Variants in LRRC4C observed in about 807,000 individuals in gnomAD.
LRRC4C encodes the protein leucine rich repeat containing 4C.
LRRC4C carries 5 observed loss-of-function variants against 33.6 expected under a neutral mutation model. The observed-to-expected ratio is 0.15, with a 90% confidence interval of 0.08 to 0.31. The LOEUF (loss-of-function observed/expected upper bound fraction) is 0.31. LRRC4C is among the 10% of genes least tolerant of loss of function. LRRC4C has a pLI of 1.00. For synonymous variants in LRRC4C, 329 were observed against 302.0 expected, an observed-to-expected ratio of 1.09 and a Z score of -0.93; for missense variants, 560 against 796.7, an observed-to-expected ratio of 0.70 and a Z score of 3.58.
At chr11:40,483,733 T>A (rs1953708348) in intron 3 of LRRC4C, among the ~76,000 whole-genome samples, 1 of 151,580 alleles carries the variant, frequency 6.6e-6, no homozygotes. Flanking sequence ...GTAAAATGAT[T>A]TTTAAATGTA....
intron 3 of LRRC4C, among the ~76,000 whole-genome samples, chr11:40,494,498 A>G (rs1389997923): frequency 6.6e-6 from 1 of 152,192 alleles, no homozygotes; most frequent in Admixed American, 6.5e-5. Flanking sequence ...GGGTACCACC[A>G]TTAGGGACCT....
At chr11:40,456,242 A>G (rs964309291) in intron 3 of LRRC4C, among the ~76,000 whole-genome samples, 1 of 152,208 alleles carries the variant, frequency 6.6e-6, no homozygotes, top group Non-Finnish European at 1.5e-5. Flanking sequence ...AGCAAAATCA[A>G]CCTGAAGAAT....
At chr11:41,101,311 A>C (rs978417371) in intron 1 of LRRC4C, among the ~76,000 whole-genome samples, 2 of 152,160 alleles carry the variant, frequency 1.3e-5, no homozygotes, top group Admixed American at 1.3e-4. Context: ...ATTTACAAGA[A>C]AAAAAACCAT....
chr11:40,736,656 C>T (rs1947882418), intron 2 of LRRC4C, among the ~76,000 whole-genome samples: 1 of 152,112 alleles, frequency 6.6e-6, no homozygotes. Context: ...CCTACTTCTC[C>T]ACATTGTTTC....
intron 2 of LRRC4C, among the ~76,000 whole-genome samples, chr11:40,837,676 CAAAAAAAA>C (rs139136576): frequency 2.8e-5 from 3 of 108,474 alleles, no homozygotes; most frequent in African/African-American, 1.1e-4. Context: ...CCTGTCTCTT[CAAAAAAAA>C]AAAAAAAAAA....
intron 2 of LRRC4C, among the ~76,000 whole-genome samples, chr11:40,863,086 A>G (rs753872956): frequency 1.3e-5 from 2 of 152,228 alleles, no homozygotes; most frequent in Non-Finnish European, 2.9e-5. Flanking sequence ...AGATGGAATT[A>G]TTATGTAGCT....
chr11:40,774,782 T>A (rs1210576182), intron 2 of LRRC4C, among the ~76,000 whole-genome samples: 1 of 152,114 alleles, frequency 6.6e-6, no homozygotes, highest in Non-Finnish European at 1.5e-5. Context: ...AAAGTGATAA[T>A]GGGAATGTAA....
chr11:40,366,126 T>C (rs1193722767), intron 3 of LRRC4C, among the ~76,000 whole-genome samples: 1 of 152,086 alleles, frequency 6.6e-6, no homozygotes, highest in Non-Finnish European at 1.5e-5. Flanking sequence ...AGTTAGATTT[T>C]TCCTAAGGTC....
At chr11:40,413,702 T>C (rs543307539) in intron 3 of LRRC4C, among the ~76,000 whole-genome samples, 21 of 152,140 alleles carry the variant, frequency 1.4e-4, no homozygotes, top group Non-Finnish European at 2.5e-4. Flanking sequence ...AAGATATTTA[T>C]GTAATGAAGT....
chr11:40,156,888 AT>A (rs1858743380), intron 5 of LRRC4C, among the ~76,000 whole-genome samples: 1 of 152,014 alleles, frequency 6.6e-6, no homozygotes, highest in Non-Finnish European at 1.5e-5. Flanking sequence ...ATACCACACA[AT>A]TTTTTACAGA....
intron 1 of LRRC4C, among the ~76,000 whole-genome samples, chr11:41,343,979 C>T (rs970379587): frequency 8.5e-5 from 13 of 152,132 alleles, no homozygotes; most frequent in Admixed American, 3.3e-4. Context: ...ATTTTTAGCA[C>T]ATTTAATAGT....
chr11:40,169,135 A>C (rs576398845), intron 5 of LRRC4C, among the ~76,000 whole-genome samples: 106 of 152,350 alleles, frequency 7.0e-4, no homozygotes, highest in Middle Eastern at 6.8e-3. Context: ...ACATGCATGT[A>C]TATGAGGTTC....
intron 3 of LRRC4C, among the ~76,000 whole-genome samples, chr11:40,352,124 TTCC>T (rs1471572287): frequency 3.4e-5 from 3 of 88,042 alleles, no homozygotes; most frequent in Non-Finnish European, 7.3e-5. Context: ...CCTTCCTTCC[TTCC>T]TTCCTTCCTT....
intron 1 of LRRC4C, among the ~76,000 whole-genome samples, chr11:40,941,534 C>G (rs1335406593): frequency 6.6e-6 from 1 of 152,070 alleles, no homozygotes; most frequent in African/African-American, 2.4e-5. Flanking sequence ...CACTTGAACT[C>G]AAGAAAATAT....
At chr11:40,641,648 C>T (rs564817403) in intron 3 of LRRC4C, among the ~76,000 whole-genome samples, 7 of 152,290 alleles carry the variant, frequency 4.6e-5, no homozygotes, top group African/African-American at 1.7e-4. Context: ...AGAGACCTCT[C>T]CTGCTTTCTC....
chr11:40,116,306 G>A lies in LRRC4C; in HGVS notation c.-14C>T. On this transcript the variant is annotated 5_prime_UTR_variant, in exon 7 of 7. Transcript: ENST00000528697. ...CTTGTTCAACATTCATAATTTATCT[G>A]GTGTTGGTCCTTCTGGAATTCAAAC... 6.4e-7 allele frequency: 1 copy of A among 1,562,962 alleles called. No individual in the cohort carries two copies. The highest frequency in any genetic ancestry group is 1.2e-5 in the South Asian group (1 of 84,228).
chr11:41,207,669 G>A (rs570414682), intron 1 of LRRC4C, among the ~76,000 whole-genome samples: 22 of 152,120 alleles, frequency 1.4e-4, no homozygotes, highest in Non-Finnish European at 2.9e-4. Flanking sequence ...AAGGCCCTGT[G>A]TGAAAACACC....
At chr11:41,171,890 C>T (rs924916507) in intron 1 of LRRC4C, among the ~76,000 whole-genome samples, 25 of 152,036 alleles carry the variant, frequency 1.6e-4, no homozygotes, top group African/African-American at 5.8e-4. Flanking sequence ...TACTGAACGA[C>T]CACCAGGCCA....
At chr11:40,518,390 C>G (rs767002828) in intron 3 of LRRC4C, among the ~76,000 whole-genome samples, 1 of 152,050 alleles carries the variant, frequency 6.6e-6, no homozygotes. Flanking sequence ...CCAGAATCTA[C>G]AAAGAAGTTA....
Sources: allele counts gnomAD v4.1 joint callset (sites outside exome capture counted in the v4.1 genomes callset), GRCh38; gene constraint gnomAD v4.1.1; transcripts MANE v1.5; gene names NCBI Gene and HGNC (gene_info 2026-07-23, HGNC 2026-07-21).